SVIL: variants seen among roughly 807,000 people sequenced by gnomAD.
The protein encoded by SVIL is supervillin.
Under a neutral mutation model 240.4 loss-of-function variants are expected in SVIL, and 101 were observed. The observed-to-expected ratio is 0.42, with a 90% CI of 0.36 to 0.50. The LOEUF (loss-of-function observed/expected upper bound fraction) is 0.50, where lower values mean the gene tolerates loss of function less well. Among genes scored for constraint, SVIL ranks in the 20% least tolerant of loss-of-function variants. SVIL has a pLI of 0.01. For synonymous variants in SVIL, 999 were observed against 1,100.0 expected (o/e 0.91, Z 1.82); for missense variants, 2,512 against 2,818.7 (o/e 0.89, Z 2.46).
chr10:29,666,806 T>C (rs1351924061), intron 2 of SVIL, among the ~76,000 whole-genome samples: 1 of 152,210 alleles, frequency 6.6e-6, no homozygotes, highest in African/African-American at 2.4e-5. Context: ...ATTCCGAGGT[T>C]TCTCTTCAAG....
intron 12 of SVIL, among the ~76,000 whole-genome samples, chr10:29,527,513 G>A (rs550760593): frequency 6.6e-6 from 1 of 151,340 alleles, no homozygotes; most frequent in East Asian, 2.0e-4. Flanking sequence ...TGCAAACTCC[G>A]CCTCCCGGGG....
chr10:29,552,925 C>T (rs1357913944), intron 5 of SVIL, among the ~76,000 whole-genome samples: 1 of 152,090 alleles, frequency 6.6e-6, no homozygotes, highest in Non-Finnish European at 1.5e-5. Flanking sequence ...TTCGGGTACA[C>T]TACGGTTTAT....
chr10:29,560,090 C>T (rs1040934070), intron 3 of SVIL, among the ~76,000 whole-genome samples: 2 of 152,176 alleles, frequency 1.3e-5, no homozygotes, highest in Non-Finnish European at 2.9e-5. Context: ...CTCCTTCACA[C>T]GACAGCTCAA....
Position 29,550,855 on chromosome 10 carries a change from C to T in SVIL, c.569G>A (p.Gly190Asp). 2 of 1,614,060 alleles carry T rather than the reference C, an allele frequency of 1.2e-6. No homozygotes were observed. Among genetic ancestry groups the T allele is most frequent in the East Asian group, 2.2e-5 (1 of 44,850 alleles). Reference protein sequence around the residue: ...GESKDYALHVGDGSSDPEVLL... With the variant: ...GESKDYALHVDDGSSDPEVLL... ...CACCTCCGGGTCGGAAGAGCCGTCA[C>T]CCACATGGAGGGCATAGTCCTTGGA... The change falls in exon 6 of 38, where the codon GGT becomes GAT. Residue 190 changes from glycine to aspartate, a missense_variant. Gly to Asp is a moderately conservative substitution (Grantham distance 94). Coordinates refer to ENST00000355867, the MANE Select transcript of SVIL (RefSeq NM_021738.3).
chr10:29,471,215 G>T lies in SVIL; in HGVS notation c.5558C>A (p.Pro1853His), dbSNP rs1379271234. 2 of 1,613,152 alleles carry T rather than the reference G, an allele frequency of 1.2e-6. No individual in the cohort carries two copies. Among genetic ancestry groups the T allele is most frequent in the Non-Finnish European group, 1.7e-6 (2 of 1,179,292 alleles). ...CCCCTGGAAACACTGCAGGAAACAG[G>T]GGGGCTCCTTTCCCTGGAGAACCTG... ...QVQVLQGKEPPCFLQCFQGGM... is the reference protein window; with the variant it reads ...QVQVLQGKEPHCFLQCFQGGM... The change falls in exon 31 of 38, where the codon CCC becomes CAC. Residue 1853 changes from proline (P) to histidine (H), a missense_variant. By Grantham distance (77) the Pro-to-His change is moderately conservative. Transcript: ENST00000355867.
chr10:29,505,332 A>G lies in SVIL; in HGVS notation c.3517-6069T>C, dbSNP rs540257929. Among the ~76,000 whole-genome samples the G allele has an allele frequency of 3.6e-4, 55 of 151,874 alleles. 1 individual carries two copies. The highest frequency in any genetic ancestry group is 2.0e-3 in the Admixed American group (31 of 15,270). On this transcript the variant is annotated intron_variant, in intron 17 of 37. Coordinates refer to ENST00000355867, the MANE Select transcript of SVIL (RefSeq NM_021738.3). ...CAGAGTGAAACTCCATCTCAAAAAT[A>G]ATAATAATAATCATAATAATTTAAA...
chr10:29,601,090 T>A (rs1956794358), intron 1 of SVIL, among the ~76,000 whole-genome samples: 1 of 152,186 alleles, frequency 6.6e-6, no homozygotes, highest in Non-Finnish European at 1.5e-5. Flanking sequence ...TGTTGTGGTT[T>A]TCATCCTATC....
At chr10:29,554,613 C>T (rs1418489325) in intron 5 of SVIL, among the ~76,000 whole-genome samples, 170 bp downstream of exon 5, 1 of 152,184 alleles carries the variant, frequency 6.6e-6, no homozygotes, top group Non-Finnish European at 1.5e-5. Context: ...TATGATCATA[C>T]TCCTGCATTC....
chr10:29,505,786 C>T lies in SVIL; in HGVS notation c.3517-6523G>A, dbSNP rs114629111. On this transcript the variant is annotated intron_variant, in intron 17 of 37. Coordinates refer to ENST00000355867, the MANE Select transcript of SVIL (RefSeq NM_021738.3). ...TGTGTGTGGGAGGGCAGGGATGATG[C>T]AGGAACTCTGTACTTTCTGCTGTGA... Among the ~76,000 whole-genome samples, 1,185 of 152,130 alleles carry T rather than the reference C, an allele frequency of 7.8e-3. 14 individuals carry two copies. The highest frequency in any genetic ancestry group is 0.026 in the African/African-American group (1,075 of 41,478).
intron 2 of SVIL, among the ~76,000 whole-genome samples, chr10:29,671,874 A>C (rs1959804950): frequency 6.6e-6 from 1 of 152,218 alleles, no homozygotes; most frequent in South Asian, 2.1e-4. Context: ...GGATTCTCAG[A>C]GGTCTGTAAA....
intron 1 of SVIL, among the ~76,000 whole-genome samples, chr10:29,605,648 GT>G (rs533675929): frequency 8.2e-5 from 12 of 145,692 alleles, no homozygotes; most frequent in South Asian, 2.2e-4. Flanking sequence ...AGTTTTCCTA[GT>G]TTTTTTTTTC....
chr10:29,509,153 AC>A (rs1226820556), intron 17 of SVIL, among the ~76,000 whole-genome samples: 3 of 152,190 alleles, frequency 2.0e-5, no homozygotes. Context: ...GACCAAATCC[AC>A]AAAACAGACA....
At chr10:29,686,432 A>G (rs1248912177) in intron 2 of SVIL, 1 of 152,254 alleles carries the variant, frequency 6.6e-6, no homozygotes, top group East Asian at 1.9e-4. Context: ...CAATGAAATT[A>G]GAGTGGTACC....
intron 1 of SVIL, among the ~76,000 whole-genome samples, chr10:29,593,205 G>A (rs972854125): frequency 4.6e-5 from 7 of 152,142 alleles, no homozygotes; most frequent in African/African-American, 1.2e-4. Flanking sequence ...ATATTATAAC[G>A]CAATACTTCA....
At chr10:29,581,302 T>C (rs1459008676) in intron 1 of SVIL, among the ~76,000 whole-genome samples, 2 of 152,196 alleles carry the variant, frequency 1.3e-5, no homozygotes, top group East Asian at 3.9e-4. Flanking sequence ...GCCCTTTCAT[T>C]TCCCCTTGAT....
At chr10:29,531,097 A>G (rs1951329159) in intron 10 of SVIL, among the ~76,000 whole-genome samples, 157 bp downstream of exon 10, 1 of 152,236 alleles carries the variant, frequency 6.6e-6, no homozygotes, top group Admixed American at 6.5e-5. Flanking sequence ...TGAAAATTTC[A>G]ACTAGATTTT....
Position 29,480,767 on chromosome 10 carries a change from A to T in SVIL, c.5147T>A (p.Val1716Glu). The T allele has an allele frequency of 6.2e-7, 1 of 1,613,654 alleles. No homozygotes were observed. Among genetic ancestry groups the T allele is most frequent in the Non-Finnish European group, 8.5e-7 (1 of 1,179,960 alleles). The change falls in exon 29 of 38, where the codon GTG becomes GAG. Residue 1716 changes from valine (V) to glutamate (E), a missense_variant. By Grantham distance (121) the Val-to-Glu change is moderately radical. Around this residue, in one of 3 missense-constraint regions of SVIL, gnomAD observed 797 missense variants for 925.3 expected, o/e 0.86. Coordinates refer to ENST00000355867, the MANE Select transcript of SVIL (RefSeq NM_021738.3). ...DVKAYDVTRM[V>E]SMPQTTAGTI... ...GCCTGCTGTCGTCTGGGGCATGGAC[A>T]CCATCCGTGTCACATCGTATGCCTT... is the stretch of plus-strand genomic sequence containing the variant.
intron 1 of SVIL, among the ~76,000 whole-genome samples, chr10:29,723,341 T>C (rs1013693749): frequency 6.6e-6 from 1 of 152,216 alleles, no homozygotes; most frequent in Non-Finnish European, 1.5e-5. Context: ...GATCGTGCTA[T>C]TGCACTCTAG....
intron 17 of SVIL, among the ~76,000 whole-genome samples, chr10:29,509,330 G>GGAGGGAGAGAGAGAGAGA (rs1323408870): frequency 4.0e-4 from 27 of 66,906 alleles, no homozygotes; most frequent in East Asian, 1.2e-3. Context: ...GGAGGGGGAG[G>GGAGGGAGAGAGAGAGAGA]GAGAGAGAGA....
Sources: gnomAD v4.1 joint callset for allele counts (sites outside exome capture counted in the v4.1 genomes callset) on GRCh38, gnomAD v4.1.1 for gene constraint, gnomAD v4.1.1 regional missense constraint, MANE v1.5 for transcripts, NCBI Gene and HGNC (gene_info 2026-07-23, HGNC 2026-07-21) for gene names.